The following WDR62 variants were observed in gnomAD, a reference collection of about 807,000 sequenced individuals.
WDR62 encodes the protein WD repeat domain 62, also known as WD repeat-containing protein 62.
A neutral mutation model predicts 160.6 loss-of-function variants in WDR62; 112 were observed. The observed-to-expected ratio is 0.70, with a 90% CI of 0.60 to 0.82. The LOEUF is 0.82. Ranked by LOEUF, WDR62 falls within the 40% of genes least tolerant of loss-of-function variation. The probability of loss-of-function intolerance (pLI) is 0.00; values close to 1 mark genes in which losing one functional copy is unlikely to be tolerated. For synonymous variants in WDR62, 792 were observed against 815.1 expected (o/e 0.97, Z 0.48); for missense variants, 1,819 against 1,983.8 (o/e 0.92, Z 1.58).
chr19:36,103,830 G>T lies in WDR62; in HGVS notation c.4002G>T (p.Glu1334Asp), dbSNP rs765031477. 1 of 1,606,240 alleles carries T rather than the reference G, an allele frequency of 6.2e-7. No individual in the cohort carries two copies. Residue 1334 changes from glutamate to aspartate, a missense_variant, in exon 30 of 32, where the codon GAG (glutamate) becomes GAT (aspartate). Glu to Asp is a conservative substitution (Grantham distance 45). This residue lies in a region of WDR62 where 770 missense variants were observed against 734.2 expected (regional missense o/e 1.05). Transcript: ENST00000401500. ...TCCCAGCCCCTAGCCCTGTGGAAGA[G>T]AGCGCCCTGAGGCTCCACGGCTCTG... ...VSFPAPSPVE[E>D]SALRLHGSAF...
intron 9 of WDR62, among the ~76,000 whole-genome samples, chr19:36,077,206 T>C (rs1377578521): frequency 6.6e-6 from 1 of 151,848 alleles, no homozygotes; most frequent in Non-Finnish European, 1.5e-5. Flanking sequence ...ACTAATCTGC[T>C]TCTGTCTTTA....
At chr19:36,064,098 G>C (rs1970804728) in intron 3 of WDR62, among the ~76,000 whole-genome samples, 1 of 152,166 alleles carries the variant, frequency 6.6e-6, no homozygotes, top group Non-Finnish European at 1.5e-5. Flanking sequence ...CTGATGGCCA[G>C]ACAGCATTTG....
chr19:36,076,579 GAGAA>G (rs1414888021), intron 9 of WDR62, among the ~76,000 whole-genome samples: 3 of 151,138 alleles, frequency 2.0e-5, no homozygotes, highest in Non-Finnish European at 2.9e-5. Context: ...AAAGAAAAAA[GAGAA>G]AGAGAAGGCC....
intron 9 of WDR62, among the ~76,000 whole-genome samples, chr19:36,080,997 G>C (rs1971863603): frequency 6.6e-6 from 1 of 151,736 alleles, no homozygotes; most frequent in Non-Finnish European, 1.5e-5. Flanking sequence ...TCATATGTTG[G>C]CCAGAGTAGA....
At chr19:36,094,525 G>A (rs1040283705) in intron 20 of WDR62, among the ~76,000 whole-genome samples, 3 of 151,738 alleles carry the variant, frequency 2.0e-5, no homozygotes, top group Non-Finnish European at 4.4e-5. Flanking sequence ...CTGCACTCCA[G>A]CCTGGGCAAC....
intron 8 of WDR62, among the ~76,000 whole-genome samples, chr19:36,072,197 C>T (rs1971336736): frequency 6.6e-6 from 1 of 152,216 alleles, no homozygotes; most frequent in Non-Finnish European, 1.5e-5. Context: ...TTGGGGAACA[C>T]AGCAGGGACT....
chr19:36,057,680 A>G (rs954862175), intron 1 of WDR62, among the ~76,000 whole-genome samples: 5 of 152,034 alleles, frequency 3.3e-5, no homozygotes, highest in African/African-American at 4.8e-5. Context: ...ACACCTGACT[A>G]ATTTTTTTGT....
chr19:36,106,613 G>A (rs576944050), downstream of WDR62, among the ~76,000 whole-genome samples: 24 of 152,318 alleles, frequency 1.6e-4, no homozygotes, highest in Admixed American at 1.6e-3. Flanking sequence ...AACACATCCA[G>A]GCCGACAGCA....
At chr19:36,068,358 T>A (rs560685776) in intron 7 of WDR62, among the ~76,000 whole-genome samples, 22 of 152,290 alleles carry the variant, frequency 1.4e-4, no homozygotes, top group African/African-American at 3.4e-4. Context: ...CATTTTTTTT[T>A]AATTAATTTA....
At chr19:36,102,558 G>A in intron 26 of WDR62, 179 bp from the exon 27 acceptor site, 1 of 630,674 alleles carries the variant, frequency 1.6e-6, no homozygotes, top group Non-Finnish European at 2.8e-6. Context: ...ACCGTGCCCG[G>A]CCCACTGCTT....
chr19:36,099,221 C>CAAAAAAA (rs71167592), intron 21 of WDR62, among the ~76,000 whole-genome samples, 178 bp from the exon 22 acceptor site: 12 of 76,314 alleles, frequency 1.6e-4, no homozygotes, highest in Middle Eastern at 8.2e-3. Context: ...GACTTCGTCT[C>CAAAAAAA]AAAAAAAAAA....
rs45564437 is a variant in WDR62 at position 36,101,812 on chromosome 19, G to A, written c.3082+38G>A. The A allele has an allele frequency of 3.7e-5, 57 of 1,534,956 alleles. No individual in the cohort carries two copies. The African/African-American group carries it at 5.4e-4, about 14-fold the overall frequency. On this transcript the variant is annotated intron_variant, in intron 25 of 31. Transcript: ENST00000401500. ...CAGACACGCAGGGGACTCGCTGCTC[G>A]GGCCTGGCTTAGGGCCAGTCACAAT...
intron 22 of WDR62, 94 bp from the exon 23 acceptor site, chr19:36,100,654 C>T: frequency 6.4e-7 from 1 of 1,572,544 alleles, no homozygotes; most frequent in South Asian, 1.1e-5. Context: ...TGGTTCACAG[C>T]CTCCAGCAGT....
chr19:36,055,183 A>C, intron 1 of WDR62, 35 bp downstream of exon 1: 10 of 1,580,316 alleles, frequency 6.3e-6, no homozygotes, highest in Non-Finnish European at 8.6e-6. Context: ...CCCCAGTTCC[A>C]GGCTTCCTAG....
chr19:36,085,414 C>CTTTTTTTTTTTTTTG (rs1972155536), intron 12 of WDR62, among the ~76,000 whole-genome samples: 1 of 70,382 alleles, frequency 1.4e-5, no homozygotes, highest in Non-Finnish European at 2.8e-5. Context: ...CACACCTGAC[C>CTTTTTTTTTTTTTTG]TTTTTTTTTT....
chr19:36,097,189 G>T, intron 21 of WDR62, 110 bp downstream of exon 21: 2 of 1,056,206 alleles, frequency 1.9e-6, no homozygotes, highest in Non-Finnish European at 1.4e-6. Context: ...CCCTGGAGAA[G>T]CCCTGTCATC....
Position 36,081,564 on chromosome 19 carries a change from C to T in WDR62, c.1365C>T (p.Phe455=). 1 of 1,614,198 alleles carries T rather than the reference C, an allele frequency of 6.2e-7. No homozygotes were observed. Among genetic ancestry groups the T allele is most frequent in the Non-Finnish European group, 8.5e-7 (1 of 1,180,044 alleles). The change falls in exon 10 of 32, where the codon TTC becomes TTT. Residue 455 remains phenylalanine (F), a synonymous_variant. Transcript: ENST00000401500. ...SPDSHWQKNI[F]SNTLLKVVYV... ...ATTCTCACTGGCAGAAAAACATCTT[C>T]AGCAATGTGAGTGGCTTCCTTTGTG...
intron 18 of WDR62, among the ~76,000 whole-genome samples, chr19:36,092,168 G>C (rs567725942): frequency 2.6e-5 from 4 of 152,130 alleles, no homozygotes; most frequent in African/African-American, 9.6e-5. Flanking sequence ...AAAATTAGCT[G>C]TGCGTGGTGG....
intron 3 of WDR62, among the ~76,000 whole-genome samples, chr19:36,064,568 C>G (rs8113723): frequency 0.094 from 14,284 of 151,810 alleles, 846 homozygotes; most frequent in Admixed American, 0.19. Flanking sequence ...CGTGAGCCAC[C>G]GCGCCCAGCC....
Sources: allele counts gnomAD v4.1 joint callset (sites outside exome capture counted in the v4.1 genomes callset), GRCh38; gene constraint gnomAD v4.1.1; regional missense constraint gnomAD v4.1.1; transcripts MANE v1.5; gene names NCBI Gene and HGNC (gene_info 2026-07-23, HGNC 2026-07-21).